SEC14L4: variants seen among roughly 807,000 people sequenced by gnomAD.
SEC14L4 encodes SEC14-like protein 4.
A neutral mutation model predicts 55.1 loss-of-function variants in SEC14L4; 42 were observed. The observed-to-expected ratio is 0.76, with a 90% confidence interval of 0.60 to 0.99. The LOEUF (loss-of-function observed/expected upper bound fraction) is 0.99. Among genes scored for constraint, SEC14L4 ranks in the 50% least tolerant of loss-of-function variants. The probability of loss-of-function intolerance (pLI) is 0.00; values close to 1 mark genes in which losing one functional copy is unlikely to be tolerated. For missense variants in SEC14L4, 445 were observed against 512.1 expected (o/e 0.87, Z 1.27); for synonymous variants, 206 against 206.8 (o/e 1.00, Z 0.03).
In SEC14L4 at chr22:30,492,486, C is replaced by T. The variant is rs1015178939; in HGVS notation, c.652G>A (p.Val218Met). Residue 218 changes from valine to methionine, a missense_variant, in exon 8 of 12, where the codon GTG becomes ATG. Transcript: ENST00000255858. ...FMSEETRRKIVILGDNWKQEL... is the reference protein window; with the variant it reads ...FMSEETRRKIMILGDNWKQEL... ...CCACGTCGCTCACCTCCCAGAATCA[C>T]AATCTTCCTGCGTGTCTCCTCACTC... is the stretch of plus-strand genomic sequence containing the variant. 1 of 1,613,786 alleles carries T rather than the reference C, an allele frequency of 6.2e-7. No homozygotes were observed. The highest frequency in any genetic ancestry group is 1.3e-5 in the African/African-American group (1 of 74,928).
chr22:30,499,273 G>C (rs1162008018), intron 2 of SEC14L4, among the ~76,000 whole-genome samples: 2 of 150,172 alleles, frequency 1.3e-5, no homozygotes, highest in Non-Finnish European at 3.0e-5. Flanking sequence ...TTAACTGATG[G>C]GGTTTCACCA....
chr22:30,489,703 T>C lies in SEC14L4; in HGVS notation c.*404A>G. On this transcript the variant is annotated 3_prime_UTR_variant, in exon 12 of 12. Coordinates refer to ENST00000255858, the MANE Select transcript of SEC14L4 (RefSeq NM_174977.4). Reference sequence around the variant, plus strand: ...CTTCTCTGCTCTTCAGGCCTGAAGCTGTGATGTCCACAGGACCTAGGAACC... The same window carrying C: ...CTTCTCTGCTCTTCAGGCCTGAAGCCGTGATGTCCACAGGACCTAGGAACC... 1.5e-6 allele frequency: 1 copy of C among 685,576 alleles called. No homozygotes were observed. The highest frequency in any genetic ancestry group is 2.7e-5 in the East Asian group (1 of 37,006). The allele number at this position is 685,576 out of a possible 1,614,324, so 42.5% of individuals were successfully genotyped here. A position where few individuals can be genotyped will look rare whatever the true frequency, so the allele number is the denominator to read the frequency against.
intron 5 of SEC14L4, 118 bp from the exon 6 acceptor site, chr22:30,495,079 G>A (rs1052118920): frequency 1.6e-5 from 12 of 762,964 alleles, no homozygotes; most frequent in South Asian, 4.7e-5. Flanking sequence ...AGCCCACAGC[G>A]TTTTCCAGAC....
rs1935880061 is a variant in SEC14L4 at position 30,489,384 on chromosome 22, T to C, written c.*723A>G. 3.8e-5 allele frequency: 7 copies of C among 182,840 alleles called. No homozygotes were observed. Among genetic ancestry groups the C allele is most frequent in the Admixed American group, 3.8e-4 (7 of 18,540 alleles). The allele number at this position is 182,840 out of a possible 1,614,324, so 11.3% of individuals were successfully genotyped here. A position where few individuals can be genotyped will look rare whatever the true frequency, so the allele number is the denominator to read the frequency against. On this transcript the variant is annotated 3_prime_UTR_variant, in exon 12 of 12. Coordinates refer to ENST00000255858, the MANE Select transcript of SEC14L4 (RefSeq NM_174977.4). ...CCTCCTGAGTAGCTGGGATTACAGGTGCACGCCACCATGCCCGGCTAATTT... is the reference window on the plus strand; with the variant it reads ...CCTCCTGAGTAGCTGGGATTACAGGCGCACGCCACCATGCCCGGCTAATTT...
intron 2 of SEC14L4, among the ~76,000 whole-genome samples, chr22:30,497,766 G>A (rs1407304815): frequency 6.6e-6 from 1 of 152,126 alleles, no homozygotes; most frequent in Non-Finnish European, 1.5e-5. Context: ...TCACCTATGC[G>A]ATCTTTGCTC....
At chr22:30,502,357 T>C (rs1936356886) in intron 2 of SEC14L4, among the ~76,000 whole-genome samples, 1 of 152,280 alleles carries the variant, frequency 6.6e-6, no homozygotes, top group Non-Finnish European at 1.5e-5. Flanking sequence ...GGACAATGAC[T>C]GGCTTGCCAC....
intron 7 of SEC14L4, 22 bp from the exon 8 acceptor site, chr22:30,492,579 T>G: frequency 6.3e-7 from 1 of 1,595,304 alleles, no homozygotes; most frequent in Non-Finnish European, 8.6e-7. Context: ...GTAAATCTCT[T>G]GAGAAGCTGG....
chr22:30,490,217 G>T lies in SEC14L4; in HGVS notation c.1111C>A (p.Arg371=), dbSNP rs369230865. The T allele has an allele frequency of 5.0e-6, 8 of 1,614,026 alleles. No homozygotes were observed. Among genetic ancestry groups the T allele is most frequent in the Non-Finnish European group, 5.9e-6 (7 of 1,180,036 alleles). ...TAGCTGAGCTTCTTGGCATGCATCC[G>T]GCTGTAGGTGTTGTCGAAGCGCAGG... The part of the protein sequence containing the change: ...YVLRFDNTYS[R]MHAKKLSYTV... Residue 371 remains arginine (R), a synonymous_variant, in exon 12 of 12, where the codon CGG becomes AGG. Transcript: ENST00000255858.
chr22:30,490,894 T>C (rs555152907), intron 11 of SEC14L4, among the ~76,000 whole-genome samples: 1 of 152,286 alleles, frequency 6.6e-6, no homozygotes, highest in East Asian at 1.9e-4. Flanking sequence ...CATAAGCCGC[T>C]TTCCGTCTCA....
chr22:30,492,708 C>A, intron 7 of SEC14L4, 151 bp from the exon 8 acceptor site: 2 of 649,244 alleles, frequency 3.1e-6, no homozygotes, highest in Non-Finnish European at 2.8e-6. Context: ...CCCACCCTCT[C>A]CAAGTCTTAG....
In SEC14L4 at chr22:30,495,554, T is replaced by C. The variant is rs755743646; in HGVS notation, c.234+29A>G. ...GATGTCAGGGGTGAGGGGCCTCAGATGGCCTGGGGGATGCTGCTCGAGGCT... is the reference window on the plus strand; with the variant it reads ...GATGTCAGGGGTGAGGGGCCTCAGACGGCCTGGGGGATGCTGCTCGAGGCT... On this transcript the variant is annotated intron_variant, in intron 4 of 11. Coordinates refer to ENST00000255858, the MANE Select transcript of SEC14L4 (RefSeq NM_174977.4). 3.7e-6 allele frequency: 6 copies of C among 1,613,198 alleles called. No individual in the cohort carries two copies. The African/African-American group carries it at 6.7e-5, about 18-fold the overall frequency.
At chr22:30,495,855 C>T in intron 3 of SEC14L4, 73 bp downstream of exon 3, 12 of 1,593,516 alleles carry the variant, frequency 7.5e-6, no homozygotes, top group Non-Finnish European at 1.0e-5. Context: ...GGGCCAGAGT[C>T]TCTACCCTTT....
At chr22:30,498,947 A>ATT (rs201663766) in intron 2 of SEC14L4, among the ~76,000 whole-genome samples, 2 of 151,202 alleles carry the variant, frequency 1.3e-5, no homozygotes, top group South Asian at 2.1e-4. Flanking sequence ...TATTATTATT[A>ATT]TTATTATTTT....
At chr22:30,497,579 C>G (rs1224158505) in intron 2 of SEC14L4, among the ~76,000 whole-genome samples, 1 of 151,946 alleles carries the variant, frequency 6.6e-6, no homozygotes, top group African/African-American at 2.4e-5. Context: ...TTGATTATCT[C>G]CCATGATGGA....
At chr22:30,493,858 G>T (rs1936048151) in intron 7 of SEC14L4, among the ~76,000 whole-genome samples, 1 of 152,086 alleles carries the variant, frequency 6.6e-6, no homozygotes, top group African/African-American at 2.4e-5. Flanking sequence ...ACAAAAATTA[G>T]CCAGGCATGG....
intron 6 of SEC14L4, among the ~76,000 whole-genome samples, 156 bp downstream of exon 6, chr22:30,494,710 G>C (rs1474279702): frequency 1.3e-5 from 2 of 152,066 alleles, no homozygotes; most frequent in Non-Finnish European, 2.9e-5. Flanking sequence ...TCTCCGTGGA[G>C]GGTGGTCTCT....
Position 30,489,083 on chromosome 22 carries a change from G to A in SEC14L4, c.*1024C>T. 6.6e-6 allele frequency: 1 copy of A among 152,612 alleles called. No homozygotes were observed. The highest frequency in any genetic ancestry group is 1.5e-5 in the Non-Finnish European group (1 of 68,366). 9.5% of individuals were successfully genotyped at this position (152,612 alleles called of 1,614,324 possible). Reference sequence around the variant, plus strand: ...GAGAACCAAAGCTAAATGTTGGCAGGATCACAGCAGGTGTGGAGGGGAGGT... The same window carrying A: ...GAGAACCAAAGCTAAATGTTGGCAGAATCACAGCAGGTGTGGAGGGGAGGT... On this transcript the variant is annotated 3_prime_UTR_variant, in exon 12 of 12. Coordinates refer to ENST00000255858, the MANE Select transcript of SEC14L4 (RefSeq NM_174977.4).
intron 2 of SEC14L4, among the ~76,000 whole-genome samples, chr22:30,502,739 T>A (rs1936368180): frequency 6.6e-6 from 1 of 152,086 alleles, no homozygotes; most frequent in Non-Finnish European, 1.5e-5. Flanking sequence ...TTTGTAGAGA[T>A]GAGGTTTCGC....
intron 2 of SEC14L4, among the ~76,000 whole-genome samples, chr22:30,499,108 T>A (rs957988621): frequency 2.0e-5 from 3 of 151,212 alleles, no homozygotes; most frequent in African/African-American, 4.9e-5. Context: ...GCCCAGCTAA[T>A]TTTTTTTTGT....
Sources: allele counts gnomAD v4.1 joint callset (sites outside exome capture counted in the v4.1 genomes callset), GRCh38; gene constraint gnomAD v4.1.1; transcripts MANE v1.5; gene names NCBI Gene and HGNC (gene_info 2026-07-23, HGNC 2026-07-21).